Variants in SNX29 observed in about 807,000 individuals in gnomAD.
SNX29 encodes sorting nexin 29, also known as sorting nexin-29.
In SNX29, 78 loss-of-function variants were observed where a neutral mutation model predicts 102.1. The ratio of observed to expected loss-of-function variants is 0.76; its 90% CI spans 0.64 to 0.92. The LOEUF is 0.92. SNX29 is among the 40% of genes least tolerant of loss of function. The pLI is 0.00. For synonymous variants in SNX29, 580 were observed against 414.5 expected, an observed-to-expected ratio of 1.40 and a Z score of -4.85; for missense variants, 1,280 against 1,061.7, an observed-to-expected ratio of 1.21 and a Z score of -2.86.
chr16:12,566,545 G>C (rs187152241), intron 20 of SNX29, among the ~76,000 whole-genome samples: 1 of 152,204 alleles, frequency 6.6e-6, no homozygotes, highest in Non-Finnish European at 1.5e-5. Context: ...GACAGGAGGG[G>C]GTTGTGAGGG....
chr16:12,455,838 T>C, intron 18 of SNX29, among the ~76,000 whole-genome samples: 1 of 152,112 alleles, frequency 6.6e-6, no homozygotes, highest in Non-Finnish European at 1.5e-5. Context: ...CCTCCTTCCT[T>C]CTTTCCTGCT....
intron 20 of SNX29, among the ~76,000 whole-genome samples, chr16:12,566,832 C>T (rs980734799): frequency 6.6e-6 from 1 of 152,238 alleles, no homozygotes; most frequent in Admixed American, 6.5e-5. Flanking sequence ...CGGCTTTGTT[C>T]AAGGTCAAAT....
intron 15 of SNX29, among the ~76,000 whole-genome samples, chr16:12,349,347 T>C (rs1308310385): frequency 6.6e-6 from 1 of 152,256 alleles, no homozygotes; most frequent in Non-Finnish European, 1.5e-5. Context: ...GGATTTCCTG[T>C]GACTCTGTGT....
chr16:12,006,299 T>C (rs1481606796), intron 3 of SNX29, among the ~76,000 whole-genome samples: 3 of 151,974 alleles, frequency 2.0e-5, no homozygotes, highest in African/African-American at 7.2e-5. Flanking sequence ...AAGGATCACC[T>C]GAAGTCGGGA....
intron 9 of SNX29, among the ~76,000 whole-genome samples, chr16:12,062,701 G>A (rs1031547168): frequency 1.3e-5 from 2 of 152,118 alleles, no homozygotes; most frequent in Non-Finnish European, 2.9e-5. Flanking sequence ...CCTTCTCTGG[G>A]CCCAGATTTA....
chr16:12,164,825 T>G (rs2055945037), intron 13 of SNX29, among the ~76,000 whole-genome samples: 1 of 151,916 alleles, frequency 6.6e-6, no homozygotes, highest in African/African-American at 2.4e-5. Flanking sequence ...GTAGCTGGGA[T>G]TACAGGTGCC....
chr16:12,152,819 T>C (rs1042958939), intron 13 of SNX29, among the ~76,000 whole-genome samples: 1 of 152,194 alleles, frequency 6.6e-6, no homozygotes, highest in South Asian at 2.1e-4. Flanking sequence ...CTGTCTCACA[T>C]AGGTCAGCTA....
intron 19 of SNX29, among the ~76,000 whole-genome samples, chr16:12,519,115 G>A (rs965182958): frequency 5.3e-5 from 8 of 152,124 alleles, no homozygotes; most frequent in African/African-American, 1.9e-4. Context: ...TGGCAGGGCT[G>A]CTCATTATTT....
chr16:12,027,349 C>T lies in SNX29; in HGVS notation c.152C>T (p.Ala51Val). ...ACCTGTCTGTGTGCCCAGTTTGAAG[C>T]CGTCCTGCAGCATGGCTTGAAGAGG... ...RVTCLCAQFEAVLQHGLKRSR... is the reference protein window; with the variant it reads ...RVTCLCAQFEVVLQHGLKRSR... The change falls in exon 4 of 21, where the codon GCC (alanine) becomes GTC (valine). Residue 51 changes from alanine (A) to valine (V), a missense_variant. By Grantham distance (64) the Ala-to-Val change is moderately conservative (BLOSUM62 0). Coordinates refer to ENST00000566228, the MANE Select transcript of SNX29 (RefSeq NM_032167.5). The T allele has an allele frequency of 6.2e-7, 1 of 1,614,002 alleles. No individual in the cohort carries two copies. Among genetic ancestry groups the T allele is most frequent in the South Asian group, 1.1e-5 (1 of 91,080 alleles).
At chr16:12,293,282 T>G (rs2079862810) in intron 15 of SNX29, among the ~76,000 whole-genome samples, 1 of 152,166 alleles carries the variant, frequency 6.6e-6, no homozygotes. Flanking sequence ...ACGACAACCT[T>G]GCAAGGTAGG....
intron 20 of SNX29, among the ~76,000 whole-genome samples, chr16:12,562,008 C>G (rs1215239865): frequency 2.0e-5 from 3 of 152,298 alleles, no homozygotes; most frequent in African/African-American, 7.2e-5. Flanking sequence ...CCCTGCAACC[C>G]AGGAGGCCTG....
intron 20 of SNX29, among the ~76,000 whole-genome samples, chr16:12,562,533 C>G (rs549610595): frequency 5.3e-5 from 8 of 152,260 alleles, no homozygotes; most frequent in African/African-American, 1.9e-4. Flanking sequence ...GTGAATGACA[C>G]AGCCAGGAGT....
intron 20 of SNX29, among the ~76,000 whole-genome samples, chr16:12,567,827 C>CA (rs1291379619): frequency 6.6e-6 from 1 of 152,148 alleles, no homozygotes; most frequent in African/African-American, 2.4e-5. Flanking sequence ...CCTCTGCTCT[C>CA]ACGGTGAAGC....
intron 14 of SNX29, among the ~76,000 whole-genome samples, chr16:12,268,145 A>C (rs17764604): frequency 0.64 from 97,651 of 152,104 alleles, 32,581 homozygotes; most frequent in African/African-American, 0.81. Flanking sequence ...TAGCACTTGC[A>C]ACCATCATTT....
intron 11 of SNX29, among the ~76,000 whole-genome samples, chr16:12,124,550 A>G (rs780184494): frequency 1.7e-4 from 26 of 152,154 alleles, no homozygotes; most frequent in African/African-American, 5.6e-4. Context: ...GATGGCATAT[A>G]TGTTTGTTCA....
chr16:12,489,082 G>C (rs191772496), intron 19 of SNX29, among the ~76,000 whole-genome samples: 4 of 152,120 alleles, frequency 2.6e-5, no homozygotes, highest in African/African-American at 4.8e-5. Context: ...ATCTGCTTTT[G>C]TTCCTCACAT....
At chr16:12,451,735 A>T (rs917599919) in intron 18 of SNX29, among the ~76,000 whole-genome samples, 3 of 152,186 alleles carry the variant, frequency 2.0e-5, no homozygotes, top group Non-Finnish European at 4.4e-5. Context: ...ATGGTGATGC[A>T]CACCTGTAGT....
intron 18 of SNX29, among the ~76,000 whole-genome samples, chr16:12,444,241 A>AT (rs2085945169): frequency 6.6e-6 from 1 of 151,638 alleles, no homozygotes. Flanking sequence ...GTAAGCACTC[A>AT]ATATAGCACC....
Position 12,018,126 on chromosome 16 carries a change from TTAAG to T in SNX29, c.123-9192_123-9189del, listed in dbSNP as rs528232361. ...TCCTGCATTTGTTATTGGAATTGTA[TTAAG>T]TTTGTACATTAATTTGGGAAAAATT... On this transcript the variant is annotated intron_variant, in intron 3 of 20. Coordinates refer to ENST00000566228, the MANE Select transcript of SNX29 (RefSeq NM_032167.5). Among the ~76,000 whole-genome samples the T allele has an allele frequency of 2.8e-3, 431 of 152,302 alleles. 2 individuals carry two copies. Among genetic ancestry groups the T allele is most frequent in the Admixed American group, 7.5e-3 (115 of 15,296 alleles).
Sources: allele counts gnomAD v4.1 joint callset (sites outside exome capture counted in the v4.1 genomes callset), GRCh38; gene constraint gnomAD v4.1.1; transcripts MANE v1.5; gene names NCBI Gene and HGNC (gene_info 2026-07-23, HGNC 2026-07-21).